CNTNAP2: variants seen among roughly 807,000 people sequenced by gnomAD.
The protein encoded by CNTNAP2 is contactin associated protein 2.
Under a neutral mutation model 155.2 loss-of-function variants are expected in CNTNAP2, and 98 were observed. The observed-to-expected ratio is 0.63, with a 90% confidence interval of 0.54 to 0.75. The LOEUF (loss-of-function observed/expected upper bound fraction) is 0.75. Ranked by LOEUF, CNTNAP2 falls within the 30% of genes least tolerant of loss-of-function variation. CNTNAP2 has a pLI of 0.00. For missense variants in CNTNAP2, 1,727 were observed against 1,688.1 expected, an observed-to-expected ratio of 1.02 and a Z score of -0.40; for synonymous variants, 651 against 631.2, an observed-to-expected ratio of 1.03 and a Z score of -0.47.
intron 3 of CNTNAP2, among the ~76,000 whole-genome samples, chr7:146,878,653 GC>G (rs1795478302): frequency 6.6e-6 from 1 of 152,060 alleles, no homozygotes; most frequent in South Asian, 2.1e-4. Context: ...TAAATTGACA[GC>G]GCCTGTTTCT....
At chr7:146,812,334 A>G (rs1803080926) in intron 2 of CNTNAP2, among the ~76,000 whole-genome samples, 1 of 151,806 alleles carries the variant, frequency 6.6e-6, no homozygotes, top group African/African-American at 2.4e-5. Flanking sequence ...TAGCAAAGAG[A>G]CTGGACGCAT....
chr7:146,862,133 A>G (rs1355981106), intron 3 of CNTNAP2, among the ~76,000 whole-genome samples: 1 of 152,180 alleles, frequency 6.6e-6, no homozygotes, highest in Non-Finnish European at 1.5e-5. Flanking sequence ...TTTAGAATGC[A>G]GGACTTTTTC....
At chr7:147,389,613 T>C (rs986820682) in intron 9 of CNTNAP2, among the ~76,000 whole-genome samples, 2 of 152,222 alleles carry the variant, frequency 1.3e-5, no homozygotes, top group South Asian at 2.1e-4. Flanking sequence ...AGTTTTTATA[T>C]GCAAGTCTTG....
chr7:147,175,785 T>C (rs1162887396), intron 8 of CNTNAP2, among the ~76,000 whole-genome samples: 2 of 152,198 alleles, frequency 1.3e-5, no homozygotes, highest in African/African-American at 4.8e-5. Flanking sequence ...GTGTTCATCA[T>C]GGTTCTCAGC....
rs150858104 is a variant in CNTNAP2 at position 148,224,569 on chromosome 7, T to A, written c.3248-5077T>A. On this transcript the variant is annotated intron_variant, in intron 19 of 23. Transcript: ENST00000361727. ...AAGTACATCTTTATTCTGTAAAGAA[T>A]TGGAAGGCTTTGAAGGATTTTAAAT... Among the ~76,000 whole-genome samples the A allele has an allele frequency of 3.1e-4, 47 of 152,296 alleles. 1 individual carries two copies. In the East Asian group the frequency reaches 6.7e-3, roughly 22 times the overall value.
chr7:146,476,078 T>C (rs1796873341), intron 1 of CNTNAP2, among the ~76,000 whole-genome samples: 1 of 152,178 alleles, frequency 6.6e-6, no homozygotes, highest in South Asian at 2.1e-4. Context: ...CTCACTGAAA[T>C]GTGTTTCCCA....
chr7:147,255,750 ATTTG>A (rs1470607637), intron 8 of CNTNAP2, among the ~76,000 whole-genome samples: 7 of 151,808 alleles, frequency 4.6e-5, no homozygotes, highest in Non-Finnish European at 7.4e-5. Flanking sequence ...TTGTTTGTTT[ATTTG>A]TTTATTTATT....
At chr7:146,620,860 T>A (rs769250771) in intron 1 of CNTNAP2, among the ~76,000 whole-genome samples, 1 of 152,168 alleles carries the variant, frequency 6.6e-6, no homozygotes, top group African/African-American at 2.4e-5. Context: ...TTGAATAATT[T>A]TAAAAATATT....
intron 2 of CNTNAP2, among the ~76,000 whole-genome samples, chr7:146,790,012 A>G (rs1345300240): frequency 6.6e-6 from 1 of 151,958 alleles, no homozygotes. Context: ...TCCCTTTCAA[A>G]TAAAGGATTC....
intron 15 of CNTNAP2, among the ~76,000 whole-genome samples, chr7:148,033,767 G>A (rs1253655391): frequency 6.6e-6 from 1 of 152,178 alleles, no homozygotes; most frequent in African/African-American, 2.4e-5. Flanking sequence ...GCAAGTGTAT[G>A]TGCATATACG....
chr7:148,355,165 G>GTT (rs1563055120), intron 21 of CNTNAP2, among the ~76,000 whole-genome samples: 4 of 27,802 alleles, frequency 1.4e-4, no homozygotes, highest in African/African-American at 5.0e-4. Flanking sequence ...GCCGCCAGCT[G>GTT]CTTTTTTTTT....
intron 15 of CNTNAP2, among the ~76,000 whole-genome samples, chr7:148,003,249 T>A (rs1414219679): frequency 6.6e-6 from 1 of 152,150 alleles, no homozygotes; most frequent in Non-Finnish European, 1.5e-5. Flanking sequence ...CCCAGTCACC[T>A]GAAGGGATGA....
chr7:147,776,595 A>T (rs911233477), intron 13 of CNTNAP2, among the ~76,000 whole-genome samples: 6 of 152,190 alleles, frequency 3.9e-5, no homozygotes, highest in African/African-American at 1.2e-4. Flanking sequence ...GGAGAAAGAA[A>T]ACCATTAGAA....
chr7:148,100,847 A>G (rs562457320), intron 15 of CNTNAP2, among the ~76,000 whole-genome samples: 11 of 152,266 alleles, frequency 7.2e-5, no homozygotes, highest in Admixed American at 5.9e-4. Context: ...TTATAGCGGC[A>G]CTATTCACAA....
At chr7:146,192,033 T>A (rs1049268030) in intron 1 of CNTNAP2, among the ~76,000 whole-genome samples, 1 of 152,116 alleles carries the variant, frequency 6.6e-6, no homozygotes, top group Non-Finnish European at 1.5e-5. Context: ...GTCCATGAAA[T>A]CTTCATAATT....
chr7:147,873,229 G>C (rs754122608), intron 13 of CNTNAP2, among the ~76,000 whole-genome samples: 8 of 152,128 alleles, frequency 5.3e-5, no homozygotes, highest in Non-Finnish European at 1.0e-4. Flanking sequence ...TAAAAAGATA[G>C]GGAGTGTATA....
At chr7:147,620,386 C>T (rs2116891320) in intron 12 of CNTNAP2, among the ~76,000 whole-genome samples, 1 of 152,100 alleles carries the variant, frequency 6.6e-6, no homozygotes, top group Non-Finnish European at 1.5e-5. Context: ...ACTTTTCAGA[C>T]AGAGAATTCA....
chr7:148,054,099 A>G (rs1802960911), intron 15 of CNTNAP2, among the ~76,000 whole-genome samples: 2 of 151,742 alleles, frequency 1.3e-5, no homozygotes, highest in Admixed American at 1.3e-4. Context: ...CAGCCTCCAG[A>G]GTAGCTGGGA....
chr7:146,326,991 T>C (rs1801108772), intron 1 of CNTNAP2, among the ~76,000 whole-genome samples: 1 of 152,312 alleles, frequency 6.6e-6, no homozygotes, highest in African/African-American at 2.4e-5. Context: ...AGTATAAAAA[T>C]GGAACTATTG....
Sources: allele counts gnomAD v4.1 joint callset (sites outside exome capture counted in the v4.1 genomes callset), GRCh38; gene constraint gnomAD v4.1.1; transcripts MANE v1.5; gene names NCBI Gene and HGNC (gene_info 2026-07-23, HGNC 2026-07-21).